SPOCK3: variants seen among roughly 807,000 people sequenced by gnomAD.
The protein encoded by SPOCK3 is testican-3.
Under a neutral mutation model 56.6 loss-of-function variants are expected in SPOCK3, and 30 were observed. That is an observed-to-expected ratio of 0.53 (90% CI 0.40 to 0.72). The LOEUF is 0.72. Ranked by LOEUF, SPOCK3 falls within the 30% of genes least tolerant of loss-of-function variation. The probability of loss-of-function intolerance (pLI) is 0.00; values close to 1 mark genes in which losing one functional copy is unlikely to be tolerated. For synonymous variants in SPOCK3, 196 were observed against 183.3 expected (o/e 1.07, Z -0.56); for missense variants, 527 against 530.0 (o/e 0.99, Z 0.06).
chr4:167,169,925 C>T (rs545653773), intron 2 of SPOCK3, among the ~76,000 whole-genome samples: 2 of 152,238 alleles, frequency 1.3e-5, no homozygotes, highest in Admixed American at 6.5e-5. Flanking sequence ...TGCACAAGCT[C>T]TCTTGCCTGC....
At chr4:166,986,418 C>A (rs565514015) in intron 4 of SPOCK3, among the ~76,000 whole-genome samples, 1 of 152,238 alleles carries the variant, frequency 6.6e-6, no homozygotes, top group South Asian at 2.1e-4. Flanking sequence ...ATCAAATATT[C>A]TGGCTAAAGA....
chr4:166,976,693 G>A (rs1360157881), intron 4 of SPOCK3, among the ~76,000 whole-genome samples: 2 of 151,800 alleles, frequency 1.3e-5, no homozygotes, highest in Non-Finnish European at 2.9e-5. Context: ...TTAAGTTTCT[G>A]TACCTCTAGC....
chr4:167,155,113 G>A (rs1764709185), intron 2 of SPOCK3, among the ~76,000 whole-genome samples: 1 of 151,544 alleles, frequency 6.6e-6, no homozygotes, highest in Non-Finnish European at 1.5e-5. Flanking sequence ...CAAAAATTTT[G>A]TGATTATCCA....
At chr4:166,989,875 T>C (rs957301837) in intron 4 of SPOCK3, among the ~76,000 whole-genome samples, 1 of 152,188 alleles carries the variant, frequency 6.6e-6, no homozygotes, top group African/African-American at 2.4e-5. Context: ...ATCATTCCTA[T>C]GGTGATTCTG....
At chr4:166,972,105 T>G (rs1745454334) in intron 4 of SPOCK3, among the ~76,000 whole-genome samples, 1 of 152,154 alleles carries the variant, frequency 6.6e-6, no homozygotes, top group South Asian at 2.1e-4. Flanking sequence ...CTACTATAAA[T>G]TCAGCCTCTG....
At chr4:166,826,481 G>T (rs1014949169) in intron 6 of SPOCK3, among the ~76,000 whole-genome samples, 1 of 151,962 alleles carries the variant, frequency 6.6e-6, no homozygotes, top group African/African-American at 2.4e-5. Context: ...TAACAAGAAA[G>T]AGCAATCATT....
rs566508378 is a variant in SPOCK3 at position 166,963,030 on chromosome 4, A to T, written c.350+37319T>A. Among the ~76,000 whole-genome samples, 321 of 152,168 alleles carry T rather than the reference A, an allele frequency of 2.1e-3. 1 individual carries two copies. Among genetic ancestry groups the T allele is most frequent in the African/African-American group, 7.3e-3 (302 of 41,542 alleles). On this transcript the variant is annotated intron_variant, in intron 4 of 10. Coordinates refer to ENST00000357545, the MANE Select transcript of SPOCK3 (RefSeq NM_001040159.2). ...CAGTCATTCACACACACTATGTTCT[A>T]GGTAGGACAATTTGCCTTCTCTTTG...
intron 7 of SPOCK3, among the ~76,000 whole-genome samples, chr4:166,768,130 G>T (rs1274580744): frequency 6.6e-6 from 1 of 151,886 alleles, no homozygotes; most frequent in South Asian, 2.1e-4. Flanking sequence ...GATGGGTCTT[G>T]ACTCTTTATC....
chr4:166,904,468 G>A (rs1237784350), intron 5 of SPOCK3, among the ~76,000 whole-genome samples: 1 of 152,048 alleles, frequency 6.6e-6, no homozygotes, highest in Non-Finnish European at 1.5e-5. Context: ...CAAAGGTACT[G>A]TACATACACT....
chr4:166,919,695 T>C (rs551808240), intron 4 of SPOCK3, among the ~76,000 whole-genome samples: 137 of 152,256 alleles, frequency 9.0e-4, no homozygotes, highest in African/African-American at 2.6e-3. Flanking sequence ...GTATAAGATA[T>C]AAAGAGTCAT....
intron 2 of SPOCK3, among the ~76,000 whole-genome samples, chr4:167,174,175 C>T (rs1011512874): frequency 6.6e-5 from 10 of 151,774 alleles, no homozygotes; most frequent in Non-Finnish European, 1.5e-4. Context: ...TTAATGTAAA[C>T]AGCAGTCATA....
At chr4:167,231,150 T>C (rs934515814) in intron 2 of SPOCK3, among the ~76,000 whole-genome samples, 2 of 152,006 alleles carry the variant, frequency 1.3e-5, no homozygotes, top group African/African-American at 4.8e-5. Flanking sequence ...ATATAAAGAG[T>C]AACATTTATT....
At chr4:166,992,502 T>G (rs565326312) in intron 4 of SPOCK3, among the ~76,000 whole-genome samples, 4 of 152,234 alleles carry the variant, frequency 2.6e-5, no homozygotes, top group Admixed American at 1.3e-4. Context: ...GGCAGCTAGT[T>G]TCCTCTTTCT....
At chr4:167,089,301 G>C (rs1292580474) in intron 2 of SPOCK3, among the ~76,000 whole-genome samples, 2 of 152,054 alleles carry the variant, frequency 1.3e-5, no homozygotes, top group African/African-American at 4.8e-5. Context: ...ATTTCACATA[G>C]TATGTCCAGA....
Position 167,171,195 on chromosome 4 carries a change from A to G in SPOCK3, c.189+62790T>C, listed in dbSNP as rs534062944. Among the ~76,000 whole-genome samples, 7 of 152,298 alleles carry G rather than the reference A, an allele frequency of 4.6e-5. No homozygotes were observed. The South Asian group carries it at 1.4e-3, about 32-fold the overall frequency. ...TAAATGAGGAAAGAAGGGCTTATTT[A>G]TTTGACAAATTATTTATTTTGATTA... On this transcript the variant is annotated intron_variant, in intron 2 of 10. Transcript: ENST00000357545.
At chr4:166,959,919 G>A (rs1743959325) in intron 4 of SPOCK3, among the ~76,000 whole-genome samples, 1 of 151,938 alleles carries the variant, frequency 6.6e-6, no homozygotes, top group Non-Finnish European at 1.5e-5. Flanking sequence ...TCCTCTTTAT[G>A]GTTATTTTCA....
At chr4:167,205,405 AT>A (rs1734100746) in intron 2 of SPOCK3, among the ~76,000 whole-genome samples, 1 of 47,696 alleles carries the variant, frequency 2.1e-5, no homozygotes, top group African/African-American at 9.3e-5. Context: ...TATATAATAT[AT>A]TATATATTAA....
At chr4:166,783,430 G>T (rs1383804350) in intron 7 of SPOCK3, among the ~76,000 whole-genome samples, 1 of 152,060 alleles carries the variant, frequency 6.6e-6, no homozygotes, top group Non-Finnish European at 1.5e-5. Flanking sequence ...TGAAAAAAGG[G>T]AATGAATGGA....
Position 167,119,158 on chromosome 4 carries a change from A to C in SPOCK3, c.190-56621T>G, listed in dbSNP as rs186774105. 2.0e-4 allele frequency among the ~76,000 whole-genome samples: 30 copies of C among 151,824 alleles called. No homozygotes were observed. In the East Asian group the frequency reaches 5.8e-3, roughly 29 times the overall value. On this transcript the variant is annotated intron_variant, in intron 2 of 10. Coordinates refer to ENST00000357545, the MANE Select transcript of SPOCK3 (RefSeq NM_001040159.2). ...GGGGTGGGGGAGGGGGGGGAACACC[A>C]TTTCCTTTTCACTATGGAGAATAAC...
Sources: gnomAD v4.1 joint callset for allele counts (sites outside exome capture counted in the v4.1 genomes callset) on GRCh38, gnomAD v4.1.1 for gene constraint, MANE v1.5 for transcripts, NCBI Gene and HGNC (gene_info 2026-07-23, HGNC 2026-07-21) for gene names.